The following ZDBF2 variants were observed in gnomAD, a reference collection of about 807,000 sequenced individuals.
ZDBF2 encodes the protein DBF4-type zinc finger-containing protein 2.
ZDBF2 carries 6 observed loss-of-function variants against 9.4 expected under a neutral mutation model. The ratio of observed to expected loss-of-function variants is 0.64; its 90% confidence interval spans 0.35 to 1.27. The LOEUF (loss-of-function observed/expected upper bound fraction) is 1.27, where lower values mean the gene tolerates loss of function less well. Among genes scored for constraint, ZDBF2 ranks in the 50% most tolerant of loss-of-function variants. The pLI, the probability that ZDBF2 is intolerant of heterozygous loss-of-function variation, is 0.03. For synonymous variants in ZDBF2, 905 were observed against 946.3 expected, an observed-to-expected ratio of 0.96 and a Z score of 0.80; for missense variants, 2,697 against 2,766.8, an observed-to-expected ratio of 0.97 and a Z score of 0.57.
At position 206,305,102 on chromosome 2, in the gene ZDBF2, C is replaced by G. The variant is rs372689627; in HGVS notation, c.574C>G (p.Pro192Ala). The G allele has an allele frequency of 1.2e-6, 2 of 1,613,720 alleles. No individual in the cohort carries two copies. The highest frequency in any genetic ancestry group is 1.7e-6 in the Non-Finnish European group (2 of 1,179,774). Residue 192 changes from proline to alanine, a missense_variant, in exon 5 of 5, where the codon CCT becomes GCT. By Grantham distance (27) the Pro-to-Ala change is conservative. Coordinates refer to ENST00000374423, the MANE Select transcript of ZDBF2 (RefSeq NM_020923.3). The part of the protein sequence containing the change: ...VICNAPASCL[P>A]ESSNDRPVTA... ...TTGTAATGCTCCTGCTAGTTGTTTACCTGAAAGCTCTAACGATAGACCAGT... is the reference window on the plus strand; with the variant it reads ...TTGTAATGCTCCTGCTAGTTGTTTAGCTGAAAGCTCTAACGATAGACCAGT...
intron 2 of ZDBF2, 61 bp from the exon 3 acceptor site, chr2:206,281,740 G>T (rs893034714): frequency 1.1e-5 from 11 of 973,692 alleles, no homozygotes; most frequent in Non-Finnish European, 1.5e-5. Context: ...AATTATCATA[G>T]CCATTTTCCT....
At position 206,304,998 on chromosome 2, in the gene ZDBF2, C is replaced by A; in HGVS notation, c.470C>A (p.Ala157Asp). Residue 157 changes from alanine (A) to aspartate (D), a missense_variant, in exon 5 of 5, where the codon GCC becomes GAC. Ala to Asp is a moderately radical substitution (Grantham distance 126). This residue lies in a region of ZDBF2 where 910 missense variants were observed against 973.6 expected (regional missense o/e 0.93). Transcript: ENST00000374423. ...TTGGAGTTTGTTCATAAAATTGGGG[C>A]CAGTGTGAGAAAATGTAACCTAGTA... ...QPLEFVHKIG[A>D]SVRKCNLVDI... 1 of 1,613,474 alleles carries A rather than the reference C, an allele frequency of 6.2e-7. No homozygotes were observed. The highest frequency in any genetic ancestry group is 8.5e-7 in the Non-Finnish European group (1 of 1,179,720).
chr2:206,279,138 G>T (rs1691179209), intron 1 of ZDBF2, among the ~76,000 whole-genome samples: 1 of 152,184 alleles, frequency 6.6e-6, no homozygotes, highest in African/African-American at 2.4e-5. Flanking sequence ...GGTGTTAAAA[G>T]AATTGACAGT....
At chr2:206,282,374 C>T (rs745845893) in intron 3 of ZDBF2, among the ~76,000 whole-genome samples, 1 of 152,120 alleles carries the variant, frequency 6.6e-6, no homozygotes, top group Non-Finnish European at 1.5e-5. Flanking sequence ...CCGGTGGCTG[C>T]ATGGATGTGG....
At chr2:206,281,707 G>A (rs1252868198) in intron 2 of ZDBF2, 94 bp from the exon 3 acceptor site, 4 of 710,514 alleles carry the variant, frequency 5.6e-6, no homozygotes, top group East Asian at 2.9e-5. Context: ...CTAATTATTA[G>A]AAGTGAATTT....
chr2:206,299,716 G>A lies in ZDBF2; in HGVS notation c.188+2343G>A, dbSNP rs931621171. ...GTAGGAGGATCACTTGACTACAGGA[G>A]TTGGAGGCTGCAGTGTACTTTGACC... On this transcript the variant is annotated intron_variant, in intron 4 of 4. Coordinates refer to ENST00000374423, the MANE Select transcript of ZDBF2 (RefSeq NM_020923.3). Among the ~76,000 whole-genome samples the A allele has an allele frequency of 2.6e-5, 4 of 152,144 alleles. No individual in the cohort carries two copies. The South Asian group carries it at 6.2e-4, about 24-fold the overall frequency.
chr2:206,303,036 T>A (rs888967456), intron 4 of ZDBF2, among the ~76,000 whole-genome samples: 1 of 152,150 alleles, frequency 6.6e-6, no homozygotes, highest in African/African-American at 2.4e-5. Flanking sequence ...ATATTTGTTA[T>A]AAGTAATGAA....
intron 1 of ZDBF2, among the ~76,000 whole-genome samples, chr2:206,277,628 T>G (rs1485550790): frequency 6.6e-6 from 1 of 151,904 alleles, no homozygotes; most frequent in African/African-American, 2.4e-5. Flanking sequence ...TGAAACTGCC[T>G]TCAGATTTTT....
chr2:206,307,187 C>T lies in ZDBF2; in HGVS notation c.2659C>T (p.Pro887Ser). ...HAPLHSVTNS[P>S]EVAVKKLNPQ... ...CCCTCTTCATTCAGTGACTAATTCTCCCGAAGTAGCTGTTAAAAAGCTAAA... is the reference window on the plus strand; with the variant it reads ...CCCTCTTCATTCAGTGACTAATTCTTCCGAAGTAGCTGTTAAAAAGCTAAA... The change falls in exon 5 of 5, where the codon CCC becomes TCC. Residue 887 changes from proline (P) to serine (S), a missense_variant. Pro to Ser is a moderately conservative substitution (Grantham distance 74). Transcript: ENST00000374423. 1.2e-6 allele frequency: 2 copies of T among 1,613,116 alleles called. No homozygotes were observed. The highest frequency in any genetic ancestry group is 1.7e-6 in the Non-Finnish European group (2 of 1,179,642).
intron 1 of ZDBF2, among the ~76,000 whole-genome samples, chr2:206,276,850 T>C (rs1223473879): frequency 6.6e-6 from 1 of 152,234 alleles, no homozygotes; most frequent in Non-Finnish European, 1.5e-5. Flanking sequence ...TAAGACTGAA[T>C]AGAGGTGTCT....
At chr2:206,285,232 T>C (rs184457407) in intron 3 of ZDBF2, among the ~76,000 whole-genome samples, 215 of 152,350 alleles carry the variant, frequency 1.4e-3, no homozygotes, top group Admixed American at 3.3e-3. Context: ...TTATACTCTT[T>C]TCCATAATGA....
Position 206,289,778 on chromosome 2 carries a change from G to C in ZDBF2, c.61-7468G>C, listed in dbSNP as rs1286498625. On this transcript the variant is annotated intron_variant, in intron 3 of 4. Coordinates refer to ENST00000374423, the MANE Select transcript of ZDBF2 (RefSeq NM_020923.3). ...TTGTCCCTGTGGGGACTGCAGGGGT[G>C]AGGTCTGTAGGTGTCCAAGGTGTTA... Among the ~76,000 whole-genome samples the C allele has an allele frequency of 2.0e-5, 3 of 152,176 alleles. No homozygotes were observed. In the East Asian group the frequency reaches 5.8e-4, roughly 29 times the overall value.
intron 1 of ZDBF2, among the ~76,000 whole-genome samples, chr2:206,275,717 G>A (rs996624016): frequency 6.6e-6 from 1 of 152,144 alleles, no homozygotes; most frequent in Non-Finnish European, 1.5e-5. Flanking sequence ...GTGGGGAGGG[G>A]GAGGGACGAT....
At chr2:206,298,613 C>T (rs1344573645) in intron 4 of ZDBF2, among the ~76,000 whole-genome samples, 2 of 152,152 alleles carry the variant, frequency 1.3e-5, no homozygotes, top group African/African-American at 4.8e-5. Flanking sequence ...ACCCCCACCT[C>T]CCTGGTTCAA....
At chr2:206,303,642 A>T (rs1159672435) in intron 4 of ZDBF2, among the ~76,000 whole-genome samples, 2 of 152,180 alleles carry the variant, frequency 1.3e-5, no homozygotes, top group East Asian at 1.9e-4. Flanking sequence ...ATATACATAG[A>T]CATAATTCAC....
intron 3 of ZDBF2, among the ~76,000 whole-genome samples, chr2:206,286,496 T>C (rs905151030): frequency 6.6e-6 from 1 of 152,118 alleles, no homozygotes; most frequent in African/African-American, 2.4e-5. Flanking sequence ...CTACTCCTCC[T>C]CACTTTTGGT....
At position 206,308,710 on chromosome 2, in the gene ZDBF2, C is replaced by T. The variant is rs1400003514; in HGVS notation, c.4182C>T (p.Asp1394=). ...AAGAAATAAATCTTTGGAAGGAAGA[C>T]CATATTTACCTGGAAGATAAGAGCT... The part of the protein sequence containing the change: ...PVKEINLWKE[D]HIYLEDKSYK... Residue 1394 remains aspartate, a synonymous_variant, in exon 5 of 5, where the codon GAC becomes GAT. Coordinates refer to ENST00000374423, the MANE Select transcript of ZDBF2 (RefSeq NM_020923.3). 4 of 1,612,710 alleles carry T rather than the reference C, an allele frequency of 2.5e-6. No individual in the cohort carries two copies. In the South Asian group the frequency reaches 3.3e-5, roughly 13 times the overall value.
intron 1 of ZDBF2, among the ~76,000 whole-genome samples, chr2:206,278,805 A>G (rs1160695031): frequency 6.6e-6 from 1 of 152,162 alleles, no homozygotes; most frequent in Non-Finnish European, 1.5e-5. Flanking sequence ...ACTCATTAGC[A>G]TTTATTATTT....
rs1404360074 is a variant in ZDBF2, at chr2:206,309,794, C to T, written c.5266C>T (p.Leu1756Phe). 4 of 1,613,824 alleles carry T rather than the reference C, an allele frequency of 2.5e-6. No homozygotes were observed. The highest frequency in any genetic ancestry group is 1.3e-5 in the African/African-American group (1 of 74,926). Residue 1756 changes from leucine to phenylalanine, a missense_variant, in exon 5 of 5, where the codon CTT becomes TTT. By Grantham distance (22) the Leu-to-Phe change is conservative (BLOSUM62 0). This residue lies in a region of ZDBF2 where 1,783 missense variants were observed against 1,776.5 expected (regional missense o/e 1.00). Coordinates refer to ENST00000374423, the MANE Select transcript of ZDBF2 (RefSeq NM_020923.3). ...FEMNFQCAPP[L>F]PSDTDQPQET... ...GATGAATTTTCAGTGTGCTCCCCCT[C>T]TTCCATCTGATACTGATCAGCCTCA...
Sources: gnomAD v4.1 joint callset for allele counts (sites outside exome capture counted in the v4.1 genomes callset) on GRCh38, gnomAD v4.1.1 for gene constraint, gnomAD v4.1.1 regional missense constraint, MANE v1.5 for transcripts, NCBI Gene and HGNC (gene_info 2026-07-23, HGNC 2026-07-21) for gene names.